Variants in SEC24A observed in about 807,000 individuals in gnomAD.
SEC24A encodes the protein protein transport protein Sec24A.
A neutral mutation model predicts 129.4 loss-of-function variants in SEC24A; 93 were observed. The observed-to-expected ratio is 0.72, with a 90% CI of 0.61 to 0.85. The LOEUF (loss-of-function observed/expected upper bound fraction) is 0.85. Ranked by LOEUF, SEC24A falls within the 40% of genes least tolerant of loss-of-function variation. The pLI is 0.00. For missense variants in SEC24A, 1,264 were observed against 1,307.4 expected (o/e 0.97, Z 0.51); for synonymous variants, 460 against 467.3 (o/e 0.98, Z 0.20).
intron 17 of SEC24A, among the ~76,000 whole-genome samples, chr5:134,706,810 C>T (rs1239128914): frequency 6.6e-6 from 1 of 152,176 alleles, no homozygotes; most frequent in African/African-American, 2.4e-5. Context: ...CCTGCCTCAG[C>T]CTCCCAAGTA....
chr5:134,724,480 C>T (rs1206149334), intron 22 of SEC24A, among the ~76,000 whole-genome samples: 3 of 151,282 alleles, frequency 2.0e-5, no homozygotes, highest in Non-Finnish European at 2.9e-5. Context: ...CCCAGCTACT[C>T]GGGAGGCTGA....
Position 134,692,623 on chromosome 5 carries a change from A to G in SEC24A, c.1745A>G (p.Glu582Gly). ...DIEDVFIPMP[E>G]NLLVNLNESK... ...TCAGATGTTTTTATACCTATGCCAG[A>G]GAACTTATTAGTAAACTTAAATGAA... is the stretch of plus-strand genomic sequence containing the variant. Residue 582 changes from glutamate to glycine, a missense_variant, in exon 12 of 23, where the codon GAG becomes GGG. Transcript: ENST00000398844. 1 of 1,413,280 alleles carries G rather than the reference A, an allele frequency of 7.1e-7. No individual in the cohort carries two copies. Among genetic ancestry groups the G allele is most frequent in the Non-Finnish European group, 1.0e-6 (1 of 1,002,820 alleles). 87.5% of individuals were successfully genotyped at this position (1,413,280 alleles called of 1,614,324 possible). A position where few individuals can be genotyped will look rare whatever the true frequency, so the allele number is the denominator to read the frequency against.
chr5:134,655,647 G>T (rs181394122), intron 1 of SEC24A, among the ~76,000 whole-genome samples: 2 of 151,970 alleles, frequency 1.3e-5, no homozygotes, highest in African/African-American at 4.8e-5. Flanking sequence ...CAGCCTGGGC[G>T]ACAGAGCAAG....
intron 1 of SEC24A, 67 bp downstream of exon 1, chr5:134,649,240 C>G: frequency 2.6e-6 from 3 of 1,172,062 alleles, no homozygotes; most frequent in Non-Finnish European, 3.7e-6. Flanking sequence ...GCCACTGCTG[C>G]TTGAGGCGAC....
Position 134,705,394 on chromosome 5 carries a change from T to C in SEC24A, c.2508T>C (p.Leu836=). The C allele has an allele frequency of 6.2e-7, 1 of 1,613,446 alleles. No individual in the cohort carries two copies. Among genetic ancestry groups the C allele is most frequent in the Non-Finnish European group, 8.5e-7 (1 of 1,179,682 alleles). The part of the protein sequence containing the change: ...PVVSTLNDVF[L]GADVQAISGL... ...TTTCGACTCTGAATGATGTCTTTCT[T>C]GGAGCTGATGTTCAAGCAATTTCAG... The change falls in exon 17 of 23, where the codon CTT becomes CTC. Residue 836 remains leucine, a synonymous_variant. Coordinates refer to ENST00000398844, the MANE Select transcript of SEC24A (RefSeq NM_021982.3).
rs752544329 is a variant in SEC24A, at chr5:134,703,748, T to G, written c.2267-11T>G. 1 of 1,585,292 alleles carries G rather than the reference T, an allele frequency of 6.3e-7. No homozygotes were observed. Among genetic ancestry groups the G allele is most frequent in the Non-Finnish European group, 8.7e-7 (1 of 1,156,018 alleles). ...ATATAAAAATAATTTTGTTACCTTT[T>G]TCTCTTCTAGGTCTTTCCATTCATA... On this transcript the variant is annotated splice_polypyrimidine_tract_variant and intron_variant, in intron 15 of 22. Transcript: ENST00000398844.
At chr5:134,688,133 T>G in intron 10 of SEC24A, 48 bp from the exon 11 acceptor site, 1 of 1,007,270 alleles carries the variant, frequency 9.9e-7, no homozygotes, top group Non-Finnish European at 1.6e-6. Context: ...TATGTGTATT[T>G]GTATGTGGTT....
At chr5:134,711,051 G>A (rs573958688) in intron 18 of SEC24A, among the ~76,000 whole-genome samples, 98 of 152,236 alleles carry the variant, frequency 6.4e-4, no homozygotes, top group African/African-American at 2.1e-3. Context: ...CAGGAGAATC[G>A]CCTGAACCCA....
At chr5:134,716,106 A>G (rs573559956) in intron 19 of SEC24A, among the ~76,000 whole-genome samples, 1 of 152,290 alleles carries the variant, frequency 6.6e-6, no homozygotes, top group East Asian at 1.9e-4. Context: ...AAAATGTCAA[A>G]TCATAATCTT....
At position 134,698,049 on chromosome 5, in the gene SEC24A, G is replaced by C. The variant is rs758136735; in HGVS notation, c.2258G>C (p.Cys753Ser). The stretch of plus-strand genomic sequence containing the variant: ...TTTGAGGCAGTCATGAGGATTCGGT[G>C]CACCAAAGGTAGGAATATTTTTTTT... Reference protein sequence around the residue: ...IGFEAVMRIRCTKGLSIHTFH... With the variant: ...IGFEAVMRIRSTKGLSIHTFH... Residue 753 changes from cysteine to serine, a missense_variant, in exon 15 of 23, where the codon TGC becomes TCC. Coordinates refer to ENST00000398844, the MANE Select transcript of SEC24A (RefSeq NM_021982.3). 7 of 1,604,920 alleles carry C rather than the reference G, an allele frequency of 4.4e-6. No homozygotes were observed. The South Asian group carries it at 5.7e-5, about 13-fold the overall frequency.
At chr5:134,718,378 G>T (rs778849370) in intron 20 of SEC24A, among the ~76,000 whole-genome samples, 1 of 152,108 alleles carries the variant, frequency 6.6e-6, no homozygotes, top group African/African-American at 2.4e-5. Flanking sequence ...TGAAGAATTC[G>T]TATCATTTAG....
At chr5:134,679,772 T>G in intron 8 of SEC24A, 44 bp downstream of exon 8, 3 of 1,471,872 alleles carry the variant, frequency 2.0e-6, no homozygotes, top group Non-Finnish European at 2.8e-6. Context: ...TCTACTTGCA[T>G]TGTAGGGAAA....
chr5:134,689,058 A>G (rs1037373545), intron 11 of SEC24A, among the ~76,000 whole-genome samples: 1 of 152,204 alleles, frequency 6.6e-6, no homozygotes, highest in Admixed American at 6.6e-5. Context: ...AGTTGTGGCA[A>G]TACTGCCTAT....
chr5:134,698,107 G>A (rs1234492225), intron 15 of SEC24A, 50 bp downstream of exon 15: 1 of 1,470,702 alleles, frequency 6.8e-7, no homozygotes, highest in Non-Finnish European at 9.3e-7. Context: ...TTTGGTTTCA[G>A]TAAATGTACA....
intron 4 of SEC24A, 40 bp downstream of exon 4, chr5:134,671,926 C>A: frequency 8.3e-7 from 1 of 1,209,726 alleles, no homozygotes; most frequent in Non-Finnish European, 1.2e-6. Flanking sequence ...TCTCTTTTTT[C>A]TGATTATAGA....
At chr5:134,667,700 G>T (rs1396274552) in intron 3 of SEC24A, among the ~76,000 whole-genome samples, 1 of 148,292 alleles carries the variant, frequency 6.7e-6, no homozygotes, top group Non-Finnish European at 1.5e-5. Flanking sequence ...TATTTTGATT[G>T]CCACTATTAT....
At chr5:134,659,645 C>CT (rs1173408628) in intron 1 of SEC24A, among the ~76,000 whole-genome samples, 3,090 of 122,002 alleles carry the variant, frequency 0.025, 43 homozygotes, top group Middle Eastern at 0.06. Flanking sequence ...ACCTCATATT[C>CT]TTTTTTTTTT....
intron 2 of SEC24A, among the ~76,000 whole-genome samples, chr5:134,662,507 A>G (rs1425878662): frequency 6.6e-6 from 1 of 152,202 alleles, no homozygotes; most frequent in Non-Finnish European, 1.5e-5. Flanking sequence ...CTCAGCAGAC[A>G]GCCTCAAGTT....
At chr5:134,671,296 G>A (rs931517913) in intron 3 of SEC24A, among the ~76,000 whole-genome samples, 2 of 152,208 alleles carry the variant, frequency 1.3e-5, no homozygotes, top group Non-Finnish European at 1.5e-5. Flanking sequence ...TCCTGACCTC[G>A]TGATCCGCCC....
Sources: allele counts gnomAD v4.1 joint callset (sites outside exome capture counted in the v4.1 genomes callset), GRCh38; gene constraint gnomAD v4.1.1; transcripts MANE v1.5; gene names NCBI Gene and HGNC (gene_info 2026-07-23, HGNC 2026-07-21).